IL21: variants seen among roughly 807,000 people sequenced by gnomAD.
IL21 encodes interleukin 21.
IL21 carries 3 observed loss-of-function variants against 18.4 expected under a neutral mutation model. That is an observed-to-expected ratio of 0.16 (90% CI 0.07 to 0.42). The LOEUF (loss-of-function observed/expected upper bound fraction) is 0.42. IL21 is among the 10% of genes least tolerant of loss of function. The probability of loss-of-function intolerance (pLI) is 0.99; values close to 1 mark genes in which losing one functional copy is unlikely to be tolerated. For missense variants in IL21, 130 were observed against 188.4 expected (o/e 0.69, Z 1.81); for synonymous variants, 37 against 62.0 (o/e 0.60, Z 1.90).
At position 122,611,500 on chromosome 4, in the gene IL21, T is replaced by C. The variant is rs938527141; in HGVS notation, c.*1210A>G. 6.6e-6 allele frequency among the ~76,000 whole-genome samples: 1 copy of C among 152,222 alleles called. No individual in the cohort carries two copies. The highest frequency in any genetic ancestry group is 2.4e-5 in the African/African-American group (1 of 41,462). On this transcript the variant is annotated 3_prime_UTR_variant, in exon 5 of 5. Transcript: ENST00000648588. ...GATTCTCAAATAGCTTATACCATTC[T>C]AGCGAACATTTTACTTTTCTAGAGT... is the stretch of plus-strand genomic sequence containing the variant.
Position 122,611,504 on chromosome 4 carries a change from G to A in IL21, c.*1206C>T, listed in dbSNP as rs959792078. On this transcript the variant is annotated 3_prime_UTR_variant, in exon 5 of 5. Transcript: ENST00000648588. ...CTCAAATAGCTTATACCATTCTAGCGAACATTTTACTTTTCTAGAGTTTTT... is the reference window on the plus strand; with the variant it reads ...CTCAAATAGCTTATACCATTCTAGCAAACATTTTACTTTTCTAGAGTTTTT... Among the ~76,000 whole-genome samples, 4 of 152,184 alleles carry A rather than the reference G, an allele frequency of 2.6e-5. No homozygotes were observed. In the East Asian group the frequency reaches 5.8e-4, roughly 22 times the overall value.
In IL21 at chr4:122,612,884, T is replaced by C; in HGVS notation, c.405A>G (p.Glu135=). The part of the protein sequence containing the change: ...CDSYEKKPPK[E]FLERFKSLLQ... ...GAAGTGATTTGAATCTTTCTAGGAATTCTTTGGGTGGTTTTTTCTCATAAG... is the reference window on the plus strand; with the variant it reads ...GAAGTGATTTGAATCTTTCTAGGAACTCTTTGGGTGGTTTTTTCTCATAAG... Residue 135 remains glutamate, a synonymous_variant, in exon 4 of 5, where the codon GAA becomes GAG. Transcript: ENST00000648588. 1 of 1,612,502 alleles carries C rather than the reference T, an allele frequency of 6.2e-7. No homozygotes were observed. Among genetic ancestry groups the C allele is most frequent in the Non-Finnish European group, 8.5e-7 (1 of 1,179,186 alleles).
At position 122,612,607 on chromosome 4, in the gene IL21, TCCCATCGC is replaced by T; in HGVS notation, c.*95_*102del. The T allele has an allele frequency of 2.5e-6, 2 of 813,164 alleles. No individual in the cohort carries two copies. The highest frequency in any genetic ancestry group is 4.1e-6 in the Non-Finnish European group (2 of 488,692). The allele number at this position is 813,164 out of a possible 1,614,324, so 50.4% of individuals were successfully genotyped here. On this transcript the variant is annotated 3_prime_UTR_variant, in exon 5 of 5. Coordinates refer to ENST00000648588, the MANE Select transcript of IL21 (RefSeq NM_021803.4). The stretch of plus-strand genomic sequence containing the variant: ...CTTTGCACACTTATGAGTTTTTTTT[TCCCATCGC>T]TAATATATTGTACTCCTCCACTTGG...
chr4:122,619,385 T>C (rs978307404), intron 2 of IL21: 39 of 152,170 alleles, frequency 2.6e-4, no homozygotes, highest in African/African-American at 8.4e-4. Context: ...ATCAGATAGA[T>C]ACAGTATCAC....
intron 3 of IL21, among the ~76,000 whole-genome samples, chr4:122,615,252 T>C (rs1799318897): frequency 6.6e-6 from 1 of 152,228 alleles, no homozygotes; most frequent in Non-Finnish European, 1.5e-5. Flanking sequence ...CCGGGTGCGG[T>C]GGCTCATGCC....
rs532766154 is a variant in IL21, at chr4:122,620,418, G to A, written c.204+283C>T. 5.9e-5 allele frequency among the ~76,000 whole-genome samples: 9 copies of A among 152,224 alleles called. 1 individual carries two copies. The East Asian group carries it at 1.3e-3, about 23-fold the overall frequency. Reference sequence around the variant, plus strand: ...AGAAACTGATCAGAGTATAGATTTCGTTTCTAGTTTTGTTATTCTGTCTCA... The same window carrying A: ...AGAAACTGATCAGAGTATAGATTTCATTTCTAGTTTTGTTATTCTGTCTCA... On this transcript the variant is annotated intron_variant, in intron 2 of 4. Coordinates refer to ENST00000648588, the MANE Select transcript of IL21 (RefSeq NM_021803.4).
chr4:122,611,738 A>G lies in IL21; in HGVS notation c.*972T>C, dbSNP rs1432927783. The stretch of plus-strand genomic sequence containing the variant: ...TTGTCTTATCCAAAGTATAGTAACT[A>G]TAAGTGTCCAAAATGTTAAACATGT... On this transcript the variant is annotated 3_prime_UTR_variant, in exon 5 of 5. Coordinates refer to ENST00000648588, the MANE Select transcript of IL21 (RefSeq NM_021803.4). Among the ~76,000 whole-genome samples, 4 of 152,198 alleles carry G rather than the reference A, an allele frequency of 2.6e-5. No individual in the cohort carries two copies. Among genetic ancestry groups the G allele is most frequent in the Non-Finnish European group, 5.9e-5 (4 of 68,022 alleles).
chr4:122,611,536 A>C lies in IL21; in HGVS notation c.*1174T>G, dbSNP rs556779920. On this transcript the variant is annotated 3_prime_UTR_variant, in exon 5 of 5. Transcript: ENST00000648588. ...TTACTTTTCTAGAGTTTTTAACTTC[A>C]TGTTTAAACAAGCTGTGCTGGAGTT... Among the ~76,000 whole-genome samples the C allele has an allele frequency of 4.9e-4, 75 of 152,306 alleles. No individual in the cohort carries two copies. Among genetic ancestry groups the C allele is most frequent in the African/African-American group, 1.7e-3 (72 of 41,596 alleles).
Position 122,612,708 on chromosome 4 carries a change from C to A in IL21, c.*2G>T, listed in dbSNP as rs752671868. The A allele has an allele frequency of 6.2e-7, 1 of 1,602,686 alleles. No individual in the cohort carries two copies. Among genetic ancestry groups the A allele is most frequent in the Non-Finnish European group, 8.5e-7 (1 of 1,170,146 alleles). Reference sequence around the variant, plus strand: ...CATAGTGTCCAACTGCAAGTTAGATCCTCAGGAATCTTCACTTCCGTGTGT... The same window carrying A: ...CATAGTGTCCAACTGCAAGTTAGATACTCAGGAATCTTCACTTCCGTGTGT... On this transcript the variant is annotated 3_prime_UTR_variant, in exon 5 of 5. Coordinates refer to ENST00000648588, the MANE Select transcript of IL21 (RefSeq NM_021803.4).
intron 2 of IL21, chr4:122,619,160 T>C (rs1040249464): frequency 2.0e-5 from 3 of 152,186 alleles, no homozygotes; most frequent in Non-Finnish European, 4.4e-5. Context: ...TCTTAGATAA[T>C]TACTATATGC....
intron 2 of IL21, chr4:122,619,493 G>A (rs1437218806): frequency 6.6e-6 from 1 of 152,234 alleles, no homozygotes; most frequent in African/African-American, 2.4e-5. Context: ...AGGTTAGAAG[G>A]TGGAATCTCT....
intron 3 of IL21, 91 bp from the exon 4 acceptor site, chr4:122,613,019 T>C: frequency 1.4e-6 from 1 of 732,888 alleles, no homozygotes; most frequent in East Asian, 2.7e-5. Flanking sequence ...AAACATAAAT[T>C]ATGTTCACTG....
At chr4:122,620,186 G>A (rs6836189) in intron 2 of IL21, 92,363 of 152,730 alleles carry the variant, frequency 0.6, 28,209 homozygotes, top group Middle Eastern at 0.75. Context: ...ATTATATTCT[G>A]AAGGACAGCT....
At chr4:122,613,899 G>C (rs999647083) in intron 3 of IL21, among the ~76,000 whole-genome samples, 2 of 152,100 alleles carry the variant, frequency 1.3e-5, no homozygotes. Flanking sequence ...GTTTTAACTC[G>C]CATTTATGTG....
intron 2 of IL21, among the ~76,000 whole-genome samples, chr4:122,616,912 T>C (rs1578437206): frequency 6.6e-6 from 1 of 152,352 alleles, no homozygotes; most frequent in Non-Finnish European, 1.5e-5. Context: ...TGGAAGCTAC[T>C]ACCTTATAAC....
At chr4:122,615,628 C>A in intron 3 of IL21, 54 bp downstream of exon 3, 1 of 1,518,524 alleles carries the variant, frequency 6.6e-7, no homozygotes, top group South Asian at 1.2e-5. Context: ...TTATGTAATG[C>A]AAGATATATA....
At chr4:122,613,541 C>T (rs1301285510) in intron 3 of IL21, among the ~76,000 whole-genome samples, 4 of 151,730 alleles carry the variant, frequency 2.6e-5, no homozygotes, top group Non-Finnish European at 4.4e-5. Context: ...TAGTAGAGAC[C>T]AGGTTTCACC....
At chr4:122,616,727 A>G (rs1799341376) in intron 2 of IL21, among the ~76,000 whole-genome samples, 2 of 152,228 alleles carry the variant, frequency 1.3e-5, no homozygotes, top group Non-Finnish European at 2.9e-5. Flanking sequence ...CTGGAAAGGA[A>G]ATGGAATTTA....
intron 3 of IL21, 52 bp from the exon 4 acceptor site, chr4:122,612,980 A>C: frequency 1.7e-6 from 2 of 1,178,806 alleles, no homozygotes; most frequent in Non-Finnish European, 2.4e-6. Context: ...TTTCGTAATA[A>C]AATGTTTCTT....
Sources: allele counts gnomAD v4.1 joint callset (sites outside exome capture counted in the v4.1 genomes callset), GRCh38; gene constraint gnomAD v4.1.1; transcripts MANE v1.5; gene names NCBI Gene and HGNC (gene_info 2026-07-23, HGNC 2026-07-21).